The following SBF2 variants were observed in gnomAD, a reference collection of about 807,000 sequenced individuals.
The protein encoded by SBF2 is myotubularin-related protein 13.
Under a neutral mutation model 225.2 loss-of-function variants are expected in SBF2, and 112 were observed. The observed-to-expected ratio is 0.50, with a 90% CI of 0.43 to 0.58. SBF2 has a LOEUF of 0.58. SBF2 is among the 20% of genes least tolerant of loss of function. The pLI, the probability that SBF2 is intolerant of heterozygous loss-of-function variation, is 0.00. For synonymous variants in SBF2, 763 were observed against 773.3 expected (o/e 0.99, Z 0.22); for missense variants, 1,996 against 2,206.2 (o/e 0.90, Z 1.91).
intron 1 of SBF2, among the ~76,000 whole-genome samples, chr11:10,250,660 C>T (rs929505390): frequency 7.2e-5 from 11 of 152,178 alleles, no homozygotes; most frequent in East Asian, 1.9e-4. Context: ...TTAATTATTA[C>T]GCCACAGTAT....
Position 9,962,068 on chromosome 11 carries a change from T to C in SBF2, c.1749A>G (p.Ala583=), listed in dbSNP as rs779217986. The C allele has an allele frequency of 6.2e-7, 1 of 1,614,154 alleles. No individual in the cohort carries two copies. The highest frequency in any genetic ancestry group is 1.1e-5 in the South Asian group (1 of 91,082). Residue 583 remains alanine, a synonymous_variant, in exon 16 of 40, where the codon GCA becomes GCG. Transcript: ENST00000256190. ...PAALRALKGK[A]ARQCLTDELG... is the part of the protein sequence containing the mutation. Reference sequence around the variant, plus strand: ...ATTCATCAGTGAGACACTGTCTTGCTGCCTTTCCTTTAAGGGCTCTGAGTG... The same window carrying C: ...ATTCATCAGTGAGACACTGTCTTGCCGCCTTTCCTTTAAGGGCTCTGAGTG...
At chr11:9,904,642 G>A (rs746951922) in intron 16 of SBF2, among the ~76,000 whole-genome samples, 14 of 152,136 alleles carry the variant, frequency 9.2e-5, no homozygotes, top group Admixed American at 9.2e-4. Context: ...ACAAAAACTT[G>A]CTTGCTCTAA....
intron 1 of SBF2, among the ~76,000 whole-genome samples, chr11:10,242,007 C>T (rs55933041): frequency 0.49 from 73,907 of 150,532 alleles, 18,512 homozygotes; most frequent in Non-Finnish European, 0.54. Flanking sequence ...CACTTGCCCA[C>T]AGACCCTAGG....
At chr11:9,826,640 T>G (rs1046764188) in intron 28 of SBF2, among the ~76,000 whole-genome samples, 2 of 151,868 alleles carry the variant, frequency 1.3e-5, no homozygotes, top group Admixed American at 6.6e-5. Context: ...GGGATTATTT[T>G]GGGGAAGAAA....
chr11:10,020,654 C>A (rs927462353), intron 6 of SBF2, among the ~76,000 whole-genome samples: 2 of 152,120 alleles, frequency 1.3e-5, no homozygotes, highest in Non-Finnish European at 2.9e-5. Flanking sequence ...GAGGAGGCAA[C>A]AATTTTTGCT....
intron 2 of SBF2, among the ~76,000 whole-genome samples, chr11:10,184,927 C>T (rs1239495374): frequency 2.0e-5 from 3 of 152,068 alleles, no homozygotes; most frequent in Non-Finnish European, 4.4e-5. Context: ...GGGGTTTCAC[C>T]GTGTTAGCCA....
intron 13 of SBF2, among the ~76,000 whole-genome samples, chr11:9,977,770 A>C (rs560864113): frequency 8.1e-4 from 124 of 152,288 alleles, no homozygotes; most frequent in African/African-American, 2.9e-3. Context: ...AAGTCACCAA[A>C]TGCCTTTCTT....
At position 9,996,258 on chromosome 11, in the gene SBF2, T is replaced by C. The variant is rs147693843; in HGVS notation, c.975+2008A>G. Among the ~76,000 whole-genome samples the C allele has an allele frequency of 5.2e-5, 8 of 152,386 alleles. No homozygotes were observed. The East Asian group carries it at 1.5e-3, about 29-fold the overall frequency. ...TAAGATTTAATCACTGTAGGAATTCTAGAAACATTAAACTTTCTTCAGTCA... is the reference window on the plus strand; with the variant it reads ...TAAGATTTAATCACTGTAGGAATTCCAGAAACATTAAACTTTCTTCAGTCA... On this transcript the variant is annotated intron_variant, in intron 9 of 39. Coordinates refer to ENST00000256190, the MANE Select transcript of SBF2 (RefSeq NM_030962.4).
chr11:10,027,057 T>C (rs765045411), intron 6 of SBF2, among the ~76,000 whole-genome samples: 1 of 152,208 alleles, frequency 6.6e-6, no homozygotes, highest in African/African-American at 2.4e-5. Flanking sequence ...AACTAATTAA[T>C]ACATGCATTA....
At chr11:9,910,989 G>C (rs1404187899) in intron 16 of SBF2, among the ~76,000 whole-genome samples, 2 of 151,242 alleles carry the variant, frequency 1.3e-5, no homozygotes, top group African/African-American at 2.4e-5. Context: ...AACCTGGGAG[G>C]AAGAGGTTGC....
rs1962813619 is a variant in SBF2 at position 10,274,697 on chromosome 11, G to A, written c.55+19318C>T. ...ACCTAGGAGGTGGAGATTGCAGTGA[G>A]CCGAGATTGTGCCACTGCACTCCAG... is the stretch of plus-strand genomic sequence containing the variant. On this transcript the variant is annotated intron_variant, in intron 1 of 39. Transcript: ENST00000256190. Among the ~76,000 whole-genome samples, 3 of 150,096 alleles carry A rather than the reference G, an allele frequency of 2.0e-5. No homozygotes were observed. The Admixed American group carries it at 2.0e-4, about 10-fold the overall frequency.
chr11:10,187,675 T>C (rs1046168154), intron 2 of SBF2, among the ~76,000 whole-genome samples: 2 of 152,074 alleles, frequency 1.3e-5, no homozygotes, highest in Non-Finnish European at 2.9e-5. Flanking sequence ...GCTTTTTCGT[T>C]ACAAGACCAC....
intron 2 of SBF2, among the ~76,000 whole-genome samples, chr11:10,120,424 T>C (rs1209798985): frequency 6.6e-6 from 1 of 152,218 alleles, no homozygotes; most frequent in Non-Finnish European, 1.5e-5. Context: ...TCCTTGAAGT[T>C]CTTCTGGAAG....
At chr11:10,148,190 A>G (rs1954974914) in intron 2 of SBF2, among the ~76,000 whole-genome samples, 1 of 152,196 alleles carries the variant, frequency 6.6e-6, no homozygotes, top group African/African-American at 2.4e-5. Context: ...AATATTCATT[A>G]AATAATAATT....
At chr11:10,016,477 C>CATTATT (rs200579757) in intron 6 of SBF2, 26 of 151,618 alleles carry the variant, frequency 1.7e-4, no homozygotes, top group South Asian at 6.3e-4. Flanking sequence ...TTAAGTTTTA[C>CATTATT]ATTATTATTA....
chr11:10,127,816 CAA>C (rs1443721567), intron 2 of SBF2, among the ~76,000 whole-genome samples: 1 of 152,070 alleles, frequency 6.6e-6, no homozygotes, highest in Non-Finnish European at 1.5e-5. Flanking sequence ...GTTAAGAGCT[CAA>C]GATCTGCTGT....
At chr11:9,912,497 G>C (rs1862721578) in intron 16 of SBF2, among the ~76,000 whole-genome samples, 1 of 152,064 alleles carries the variant, frequency 6.6e-6, no homozygotes, top group African/African-American at 2.4e-5. Flanking sequence ...AGGCAGAATA[G>C]CTTGAACCTG....
intron 26 of SBF2, among the ~76,000 whole-genome samples, chr11:9,833,746 T>G (rs538738882): frequency 7.4e-5 from 11 of 148,940 alleles, no homozygotes; most frequent in African/African-American, 2.7e-4. Context: ...TGGGAAAATA[T>G]ACCTAACATA....
chr11:10,123,976 G>C (rs1042346070), intron 2 of SBF2, among the ~76,000 whole-genome samples: 3 of 152,122 alleles, frequency 2.0e-5, no homozygotes, highest in Admixed American at 6.5e-5. Flanking sequence ...CACTATTAAA[G>C]TGTGAATATG....
Sources: allele counts gnomAD v4.1 joint callset (sites outside exome capture counted in the v4.1 genomes callset), GRCh38; gene constraint gnomAD v4.1.1; transcripts MANE v1.5; gene names NCBI Gene and HGNC (gene_info 2026-07-23, HGNC 2026-07-21).